ADCY9: variants seen among roughly 807,000 people sequenced by gnomAD.
The protein encoded by ADCY9 is adenylate cyclase type 9.
A neutral mutation model predicts 101.5 loss-of-function variants in ADCY9; 50 were observed. The ratio of observed to expected loss-of-function variants is 0.49; its 90% CI spans 0.39 to 0.62. The LOEUF (loss-of-function observed/expected upper bound fraction) is 0.62, where lower values mean the gene tolerates loss of function less well. Ranked by LOEUF, ADCY9 falls within the 20% of genes least tolerant of loss-of-function variation. The pLI is 0.00. For synonymous variants in ADCY9, 905 were observed against 769.3 expected, an observed-to-expected ratio of 1.18 and a Z score of -2.92; for missense variants, 1,662 against 1,800.4, an observed-to-expected ratio of 0.92 and a Z score of 1.39.
intron 2 of ADCY9, among the ~76,000 whole-genome samples, chr16:4,080,325 C>T (rs967031272): frequency 1.3e-5 from 2 of 152,134 alleles, no homozygotes; most frequent in African/African-American, 2.4e-5. Context: ...TTCACTGCAA[C>T]CTCCATCTCC....
chr16:4,062,635 G>A (rs1224813403), intron 2 of ADCY9, among the ~76,000 whole-genome samples: 1 of 152,080 alleles, frequency 6.6e-6, no homozygotes, highest in Non-Finnish European at 1.5e-5. Flanking sequence ...AGCTATGATT[G>A]TGCCACTGCA....
At chr16:4,099,978 T>G (rs761701365) in intron 2 of ADCY9, among the ~76,000 whole-genome samples, 1 of 151,756 alleles carries the variant, frequency 6.6e-6, no homozygotes, top group Non-Finnish European at 1.5e-5. Context: ...CCCTGGGAGG[T>G]TGATATAGTT....
chr16:4,060,366 T>A (rs942759025), intron 2 of ADCY9, among the ~76,000 whole-genome samples: 2 of 152,110 alleles, frequency 1.3e-5, no homozygotes, highest in Non-Finnish European at 2.9e-5. Flanking sequence ...TATCCACTCA[T>A]CCTTGGCTAA....
chr16:4,020,555 C>T (rs775833793), intron 2 of ADCY9, among the ~76,000 whole-genome samples: 7 of 152,156 alleles, frequency 4.6e-5, no homozygotes, highest in Non-Finnish European at 8.8e-5. Context: ...GGCGTGGTGG[C>T]TCACGTCTGT....
chr16:3,966,475 T>C lies in ADCY9; in HGVS notation c.3362A>G (p.Asn1121Ser), dbSNP rs576787672. The C allele has an allele frequency of 6.2e-7, 1 of 1,614,136 alleles. No homozygotes were observed. The highest frequency in any genetic ancestry group is 1.3e-5 in the African/African-American group (1 of 75,052). ...GCTGCCGTCCTGGGCCTGCGCGGTG[T>C]TCAGCCCTGACGCCGCCATGTACGT... ...GATYMAASGL[N>S]TAQAQDGSHP... The change falls in exon 11 of 11, where the codon AAC becomes AGC. Residue 1121 changes from asparagine to serine, a missense_variant. By Grantham distance (46) the Asn-to-Ser change is conservative (BLOSUM62 1). Transcript: ENST00000294016.
At chr16:4,053,711 T>A (rs1456234009) in intron 2 of ADCY9, among the ~76,000 whole-genome samples, 1 of 152,202 alleles carries the variant, frequency 6.6e-6, no homozygotes, top group African/African-American at 2.4e-5. Flanking sequence ...TGCAAAGCTG[T>A]GGTTCACATC....
At chr16:3,993,350 T>G in intron 4 of ADCY9, 56 bp downstream of exon 4, 1 of 1,600,538 alleles carries the variant, frequency 6.2e-7, no homozygotes, top group South Asian at 1.1e-5. Context: ...GAATGTCACC[T>G]TGGGTGGATG....
chr16:4,060,880 G>C (rs1242782793), intron 2 of ADCY9, among the ~76,000 whole-genome samples: 1 of 152,114 alleles, frequency 6.6e-6, no homozygotes, highest in African/African-American at 2.4e-5. Flanking sequence ...GAAACTCTAA[G>C]GGGGCCCAGA....
chr16:4,113,229 G>C (rs1010768800), intron 2 of ADCY9, among the ~76,000 whole-genome samples: 1 of 151,694 alleles, frequency 6.6e-6, no homozygotes. Flanking sequence ...AAGTAACTCC[G>C]TCTAATTCTC....
At chr16:4,107,877 A>C (rs534346411) in intron 2 of ADCY9, among the ~76,000 whole-genome samples, 2 of 152,336 alleles carry the variant, frequency 1.3e-5, no homozygotes, top group South Asian at 4.1e-4. Flanking sequence ...TCGGCCCACC[A>C]GACAGGGTCT....
Position 3,992,833 on chromosome 16 carries a change from G to A in ADCY9, c.1990-470C>T, listed in dbSNP as rs1227592498. ...TCGTGGGTGTCCCCCGTGGCTGTGG[G>A]AAGGCATGGGATGACCTGCACCTGC... On this transcript the variant is annotated intron_variant, in intron 4 of 10. Coordinates refer to ENST00000294016, the MANE Select transcript of ADCY9 (RefSeq NM_001116.4). This position sits in a 1 kb window ranked among gnomAD's most constrained non-coding sequence, Gnocchi z 4.2. 1.3e-5 allele frequency among the ~76,000 whole-genome samples: 2 copies of A among 152,150 alleles called. No homozygotes were observed. Among genetic ancestry groups the A allele is most frequent in the African/African-American group, 4.8e-5 (2 of 41,434 alleles).
At chr16:4,007,138 T>A (rs2056371921) in intron 3 of ADCY9, among the ~76,000 whole-genome samples, 1 of 152,050 alleles carries the variant, frequency 6.6e-6, no homozygotes, top group African/African-American at 2.4e-5. Flanking sequence ...ATGAGAAGCA[T>A]CCTTGTGCAA....
At chr16:4,011,915 C>T (rs1395090662) in intron 2 of ADCY9, among the ~76,000 whole-genome samples, 4 of 152,234 alleles carry the variant, frequency 2.6e-5, no homozygotes, top group Non-Finnish European at 5.9e-5. Context: ...CCACACAGCT[C>T]GCATGTGAGG....
chr16:3,956,948 C>T (rs2055910006), intron 5 of ADCY9, among the ~76,000 whole-genome samples: 1 of 152,112 alleles, frequency 6.6e-6, no homozygotes, highest in Non-Finnish European at 1.5e-5. Flanking sequence ...CCATTCTAAG[C>T]ATACACTAGA....
intron 2 of ADCY9, among the ~76,000 whole-genome samples, chr16:4,106,749 T>C (rs1284326739): frequency 1.3e-5 from 2 of 152,194 alleles, no homozygotes; most frequent in Admixed American, 6.5e-5. Flanking sequence ...TGCCCAGACA[T>C]GGACAGATTA....
chr16:3,998,749 GAAAGA>G lies in ADCY9; in HGVS notation c.1885-5244_1885-5240del, dbSNP rs71133679. The stretch of plus-strand genomic sequence containing the variant: ...AAAAAAAAAAAAGAAAAGAAAGAAA[GAAAGA>G]AAAGAAAAGAAAAGAAAAGAAAAGA... On this transcript the variant is annotated intron_variant, in intron 3 of 10. Transcript: ENST00000294016. Among the ~76,000 whole-genome samples the G allele has an allele frequency of 4.9e-3, 440 of 89,736 alleles. 8 individuals carry two copies. The highest frequency in any genetic ancestry group is 0.017 in the African/African-American group (356 of 20,888). 58.9% of individuals were successfully genotyped at this position (89,736 alleles called of 152,430 possible). A position where few individuals can be genotyped will look rare whatever the true frequency, so the allele number is the denominator to read the frequency against.
At chr16:3,961,487 G>C (rs1188508158), downstream of ADCY9, among the ~76,000 whole-genome samples, 1 of 150,954 alleles carries the variant, frequency 6.6e-6, no homozygotes, top group African/African-American at 2.4e-5. Flanking sequence ...ATTCTTACAA[G>C]ACCCTCAAGG....
intron 2 of ADCY9, among the ~76,000 whole-genome samples, chr16:4,022,967 T>G (rs892325235): frequency 2.0e-5 from 3 of 152,058 alleles, no homozygotes; most frequent in Non-Finnish European, 4.4e-5. Context: ...CTCAGTACTG[T>G]AGTACCTGGG....
At chr16:4,097,528 C>CATATATATAT (rs1166805300) in intron 2 of ADCY9, among the ~76,000 whole-genome samples, 8 of 64,546 alleles carry the variant, frequency 1.2e-4, no homozygotes, top group African/African-American at 5.2e-4. Flanking sequence ...TACATATGTA[C>CATATATATAT]ATATATATAT....
Sources: allele counts gnomAD v4.1 joint callset (sites outside exome capture counted in the v4.1 genomes callset), GRCh38; gene constraint gnomAD v4.1.1; non-coding constraint Gnocchi (gnomAD v3.1); transcripts MANE v1.5; gene names NCBI Gene and HGNC (gene_info 2026-07-23, HGNC 2026-07-21).